The following PTCH2 variants were observed in gnomAD, a reference collection of about 807,000 sequenced individuals.
PTCH2 encodes the protein patched 2.
PTCH2 carries 96 observed loss-of-function variants against 117.9 expected under a neutral mutation model. The ratio of observed to expected loss-of-function variants is 0.81; its 90% CI spans 0.69 to 0.96. PTCH2 has a LOEUF of 0.96. PTCH2 is among the 50% of genes least tolerant of loss of function. The pLI is 0.00. For synonymous variants in PTCH2, 615 were observed against 660.9 expected (o/e 0.93, Z 1.06); for missense variants, 1,379 against 1,562.5 (o/e 0.88, Z 1.98).
At chr1:44,834,375 G>A (rs1030085432) in intron 2 of PTCH2, among the ~76,000 whole-genome samples, 2 of 151,766 alleles carry the variant, frequency 1.3e-5, no homozygotes, top group South Asian at 2.1e-4. Flanking sequence ...TGCCAGCCTC[G>A]GCCTCACAAA....
Position 44,823,083 on chromosome 1 carries a change from C to G in PTCH2, c.3343G>C (p.Gly1115Arg). The change falls in exon 21 of 22, where the codon GGC becomes CGC. Residue 1115 changes from glycine (G) to arginine (R), a missense_variant. By Grantham distance (125) the Gly-to-Arg change is moderately radical. Coordinates refer to ENST00000372192, the MANE Select transcript of PTCH2 (RefSeq NM_003738.5). This position sits in a 1 kb window ranked among gnomAD's most constrained non-coding sequence, Gnocchi z 5.1. ...VLLPVLLSIL[G>R]PPPEVIQMYK... Reference sequence around the variant, plus strand: ...GGTGTGGTCACCTCTGGCGGCGGGCCCAGGATGGACAGCAGCACAGGCAGC... The same window carrying G: ...GGTGTGGTCACCTCTGGCGGCGGGCGCAGGATGGACAGCAGCACAGGCAGC... 1 of 1,613,460 alleles carries G rather than the reference C, an allele frequency of 6.2e-7. No homozygotes were observed. Among genetic ancestry groups the G allele is most frequent in the Non-Finnish European group, 8.5e-7 (1 of 1,179,876 alleles).
At chr1:44,840,428 T>C (rs1483470716) in intron 2 of PTCH2, among the ~76,000 whole-genome samples, 1 of 143,010 alleles carries the variant, frequency 7.0e-6, no homozygotes, top group African/African-American at 2.5e-5. Context: ...GAAATCATTC[T>C]GGCCAGGCAC....
intron 2 of PTCH2, among the ~76,000 whole-genome samples, chr1:44,839,981 C>T (rs1310926873): frequency 6.6e-6 from 1 of 151,948 alleles, no homozygotes; most frequent in African/African-American, 2.4e-5. Flanking sequence ...TGGGTATGGG[C>T]CAGGGCTGAG....
intron 1 of PTCH2, among the ~76,000 whole-genome samples, 189 bp from the exon 2 acceptor site, chr1:44,842,228 G>A (rs1472635411): frequency 6.6e-6 from 1 of 152,002 alleles, no homozygotes; most frequent in Non-Finnish European, 1.5e-5. Context: ...ACACACCTGA[G>A]GAAGGCATAG....
intron 19 of PTCH2, among the ~76,000 whole-genome samples, chr1:44,825,422 G>A (rs1011309646): frequency 2.6e-5 from 4 of 152,170 alleles, no homozygotes; most frequent in African/African-American, 9.7e-5. Context: ...ACAGGCGTAA[G>A]CCACCTCACC....
chr1:44,838,347 T>G (rs1039594299), intron 2 of PTCH2, among the ~76,000 whole-genome samples: 4 of 152,156 alleles, frequency 2.6e-5, no homozygotes, highest in Non-Finnish European at 5.9e-5. Context: ...GTTCAAGCGA[T>G]TCTCCTGCCA....
Position 44,827,305 on chromosome 1 carries a change from G to A in PTCH2, c.2376C>T (p.Ile792=), listed in dbSNP as rs759044670. 5 of 1,613,900 alleles carry A rather than the reference G, an allele frequency of 3.1e-6. No individual in the cohort carries two copies. The South Asian group carries it at 4.4e-5, about 14-fold the overall frequency. The change falls in exon 16 of 22, where the codon ATC becomes ATT. Residue 792 remains isoleucine (I), a synonymous_variant. Transcript: ENST00000372192. ...LHYYRNWLQG[I]QAAFDQDWAS... ...CCCAGTCCTGGTCAAAGGCAGCCTG[G>A]ATTCCTGGGGGAGACCAGGATAGGG...
chr1:44,830,998 C>T lies in PTCH2; in HGVS notation c.663G>A (p.Leu221=). 1 of 1,612,370 alleles carries T rather than the reference C, an allele frequency of 6.2e-7. No individual in the cohort carries two copies. The highest frequency in any genetic ancestry group is 1.1e-5 in the South Asian group (1 of 91,010). The change falls in exon 6 of 22, where the codon CTG becomes CTA. Residue 221 remains leucine, a synonymous_variant. Coordinates refer to ENST00000372192, the MANE Select transcript of PTCH2 (RefSeq NM_003738.5). ...AGGCAAAGGGACCCAGCTCCTCCAGCAGCTGCTCTGGATCCAGGTTGGTCC... is the reference window on the plus strand; with the variant it reads ...AGGCAAAGGGACCCAGCTCCTCCAGTAGCTGCTCTGGATCCAGGTTGGTCC... ...IQWTNLDPEQ[L]LEELGPFASL...
chr1:44,830,582 AG>A (rs1653388395), intron 6 of PTCH2, among the ~76,000 whole-genome samples: 1 of 144,252 alleles, frequency 6.9e-6, no homozygotes. Flanking sequence ...TGACAGAGTG[AG>A]ACTCAAAAAA....
Position 44,827,697 on chromosome 1 carries a change from G to A in PTCH2, c.2076C>T (p.Leu692=). 3 of 1,611,594 alleles carry A rather than the reference G, an allele frequency of 1.9e-6. No individual in the cohort carries two copies. Among genetic ancestry groups the A allele is most frequent in the Non-Finnish European group, 1.7e-6 (2 of 1,180,002 alleles). The change falls in exon 15 of 22, where the codon CTC becomes CTT. Residue 692 remains leucine (L), a synonymous_variant. Coordinates refer to ENST00000372192, the MANE Select transcript of PTCH2 (RefSeq NM_003738.5). The stretch of plus-strand genomic sequence containing the variant: ...GGCTCAGGCCCAGAAGAGCACCAAA[G>A]AGCACCAGCACGATGGCCTGCGGGA... ...QSHAKAIVLV[L]FGALLGLSLY...
At chr1:44,838,760 G>A (rs1244634610) in intron 2 of PTCH2, among the ~76,000 whole-genome samples, 2 of 146,366 alleles carry the variant, frequency 1.4e-5, no homozygotes, top group African/African-American at 5.1e-5. Flanking sequence ...TCGCTCTGTC[G>A]CCAGGCTAGA....
rs1217907461 is a variant in PTCH2 at position 44,842,086 on chromosome 1, A to G, written c.73-47T>C. 9 of 1,524,888 alleles carry G rather than the reference A, an allele frequency of 5.9e-6. No individual in the cohort carries two copies. In the African/African-American group the frequency reaches 1.2e-4, roughly 21 times the overall value. 94.5% of individuals were successfully genotyped at this position (1,524,888 alleles called of 1,614,324 possible). A position where few individuals can be genotyped will look rare whatever the true frequency, so the allele number is the denominator to read the frequency against. On this transcript the variant is annotated intron_variant, in intron 1 of 21. Coordinates refer to ENST00000372192, the MANE Select transcript of PTCH2 (RefSeq NM_003738.5). ...CAGCCAGGCATCACTGCAACAATGC[A>G]TGAAATCCTTCCCTTCTCACCCTGT...
In PTCH2 at chr1:44,830,869, G is replaced by C. The variant is rs370365614; in HGVS notation, c.792C>G (p.Ala264=). Residue 264 remains alanine, a synonymous_variant, in exon 6 of 22, where the codon GCC becomes GCG. Transcript: ENST00000372192. ...CCACCTGCCTGCTGTGATGGTTGGG[G>C]GCACTAGGTGGGCAGTGGAGGTCAT... ...HPDDLHCPPS[A]PNHHSRQAPN... The C allele has an allele frequency of 2.6e-6, 4 of 1,562,572 alleles. No individual in the cohort carries two copies. In the South Asian group the frequency reaches 4.6e-5, roughly 18 times the overall value.
rs1215725664 is a variant in PTCH2 at position 44,832,349 on chromosome 1, A to G, written c.266-8T>C. 6.2e-7 allele frequency: 1 copy of G among 1,613,862 alleles called. No individual in the cohort carries two copies. Among genetic ancestry groups the G allele is most frequent in the East Asian group, 2.2e-5 (1 of 44,876 alleles). On this transcript the variant is annotated splice_region_variant and splice_polypyrimidine_tract_variant and intron_variant, in intron 2 of 21. Coordinates refer to ENST00000372192, the MANE Select transcript of PTCH2 (RefSeq NM_003738.5). ...GGCTCACCCGGCTGCCCACTGCCAGAGCAAACAGAGAAAGCTGGGGGGGAA... is the reference window on the plus strand; with the variant it reads ...GGCTCACCCGGCTGCCCACTGCCAGGGCAAACAGAGAAAGCTGGGGGGGAA...
At chr1:44,821,886 C>T (rs1403611494), downstream of PTCH2, 8 of 1,365,352 alleles carry the variant, frequency 5.9e-6, no homozygotes, top group Non-Finnish European at 6.9e-6. Flanking sequence ...AGCTAATGTT[C>T]ACTTGCAAAC....
Position 44,823,294 on chromosome 1 carries a change from G to A in PTCH2, c.3206C>T (p.Thr1069Ile). 1 of 1,614,250 alleles carries A rather than the reference G, an allele frequency of 6.2e-7. No homozygotes were observed. Among genetic ancestry groups the A allele is most frequent in the Non-Finnish European group, 8.5e-7 (1 of 1,180,040 alleles). The part of the protein sequence containing the change: ...FAPVTDGAIS[T>I]LLGLLMLAGS... Reference sequence around the variant, plus strand: ...AGCAAGCATGAGCAGACCCAGCAATGTGGAGATGGCCCCATCGGTCACGGG... The same window carrying A: ...AGCAAGCATGAGCAGACCCAGCAATATGGAGATGGCCCCATCGGTCACGGG... The change falls in exon 20 of 22, where the codon ACA (threonine) becomes ATA (isoleucine). Residue 1069 changes from threonine to isoleucine, a missense_variant. Transcript: ENST00000372192. The surrounding 1 kb of genome is among the most constrained non-coding windows in gnomAD (Gnocchi z 5.1).
intron 3 of PTCH2, 47 bp from the exon 4 acceptor site, chr1:44,832,091 C>T (rs779704356): frequency 6.2e-7 from 1 of 1,611,404 alleles, no homozygotes; most frequent in South Asian, 1.1e-5. Context: ...AGGGGATTCC[C>T]ACTCCAGAAC....
Position 44,828,774 on chromosome 1 carries a change from C to T in PTCH2, c.1465-143G>A, listed in dbSNP as rs568174668. Reference sequence around the variant, plus strand: ...GCTAGCATTTATTGGGTACCATGTACGTATGATGGGCTGTTCTAAGCATTC... The same window carrying T: ...GCTAGCATTTATTGGGTACCATGTATGTATGATGGGCTGTTCTAAGCATTC... On this transcript the variant is annotated intron_variant, in intron 11 of 21. Coordinates refer to ENST00000372192, the MANE Select transcript of PTCH2 (RefSeq NM_003738.5). 39 of 1,299,496 alleles carry T rather than the reference C, an allele frequency of 3.0e-5. No individual in the cohort carries two copies. The African/African-American group carries it at 5.0e-4, about 17-fold the overall frequency. 80.5% of individuals were successfully genotyped at this position (1,299,496 alleles called of 1,614,324 possible).
chr1:44,828,676 G>A (rs751471201), intron 11 of PTCH2, 45 bp from the exon 12 acceptor site: 1 of 1,595,568 alleles, frequency 6.3e-7, no homozygotes, highest in African/African-American at 1.3e-5. Flanking sequence ...ACAAGGGAGG[G>A]GCCGTGTCAA....
Sources: allele counts gnomAD v4.1 joint callset (sites outside exome capture counted in the v4.1 genomes callset), GRCh38; gene constraint gnomAD v4.1.1; non-coding constraint Gnocchi (gnomAD v3.1); transcripts MANE v1.5; gene names NCBI Gene and HGNC (gene_info 2026-07-23, HGNC 2026-07-21).